Variants in LIG1 observed in about 807,000 individuals in gnomAD.
LIG1 encodes the protein DNA ligase 1.
LIG1 carries 70 observed loss-of-function variants against 115.7 expected under a neutral mutation model. That is an observed-to-expected ratio of 0.60 (90% CI 0.50 to 0.74). The LOEUF (loss-of-function observed/expected upper bound fraction) is 0.74. Ranked by LOEUF, LIG1 falls within the 30% of genes least tolerant of loss-of-function variation. LIG1 has a pLI of 0.00. For missense variants in LIG1, 1,115 were observed against 1,225.6 expected (o/e 0.91, Z 1.35); for synonymous variants, 487 against 495.3 (o/e 0.98, Z 0.22).
At chr19:48,148,861 C>A (rs756915902) in intron 9 of LIG1, among the ~76,000 whole-genome samples, 5 of 152,206 alleles carry the variant, frequency 3.3e-5, no homozygotes, top group Non-Finnish European at 5.9e-5. Context: ...GTCCCACAGC[C>A]CCAGCACACT....
intron 16 of LIG1, among the ~76,000 whole-genome samples, chr19:48,135,135 C>T (rs962773455): frequency 2.0e-5 from 3 of 152,220 alleles, no homozygotes; most frequent in Non-Finnish European, 4.4e-5. Context: ...GCTGCCCTCC[C>T]TTGCTGTCAG....
At chr19:48,116,307 G>A in intron 26 of LIG1, 2 of 297,466 alleles carry the variant, frequency 6.7e-6, no homozygotes, top group Admixed American at 8.5e-5. Flanking sequence ...TTAGCCAGGT[G>A]TGGTGGCGGG....
chr19:48,131,984 G>C (rs1172207811), intron 18 of LIG1, among the ~76,000 whole-genome samples: 1 of 147,486 alleles, frequency 6.8e-6, no homozygotes, highest in Non-Finnish European at 1.5e-5. Context: ...TATCGTGGAG[G>C]CTGTAGTGTA....
At chr19:48,132,374 C>T (rs887686644) in intron 18 of LIG1, among the ~76,000 whole-genome samples, 4 of 152,108 alleles carry the variant, frequency 2.6e-5, no homozygotes, top group Non-Finnish European at 5.9e-5. Flanking sequence ...CCTCCCAGAA[C>T]GGCTGTTAAA....
intron 24 of LIG1, chr19:48,120,515 A>T (rs1376584379): frequency 3.0e-6 from 3 of 985,224 alleles, no homozygotes; most frequent in African/African-American, 3.5e-5. Flanking sequence ...GGAATATAGG[A>T]AATACGTAAG....
Position 48,139,991 on chromosome 19 carries a change from T to C in LIG1, c.1067A>G (p.Lys356Arg). The change falls in exon 12 of 28, where the codon AAG (lysine) becomes AGG (arginine). Residue 356 changes from lysine to arginine, a missense_variant. By Grantham distance (26) the Lys-to-Arg change is conservative. Transcript: ENST00000263274. ...ELGVGDGVLL[K>R]AVAQATGRQL... Reference sequence around the variant, plus strand: ...CTTACCTGTGGCCTGGGCCACTGCCTTGAGAAGGACACCATCACCCACGCC... The same window carrying C: ...CTTACCTGTGGCCTGGGCCACTGCCCTGAGAAGGACACCATCACCCACGCC... The C allele has an allele frequency of 6.2e-7, 1 of 1,614,112 alleles. No individual in the cohort carries two copies. The highest frequency in any genetic ancestry group is 1.1e-5 in the South Asian group (1 of 91,086).
intron 4 of LIG1, 174 bp downstream of exon 4, chr19:48,161,192 GGTCCTA>G (rs2036155753): frequency 7.4e-6 from 6 of 810,678 alleles, no homozygotes; most frequent in Non-Finnish European, 1.0e-5. Flanking sequence ...GCCCACCCGA[GGTCCTA>G]GGGCAGGGGC....
Position 48,153,978 on chromosome 19 carries a change from A to G in LIG1, c.371-11T>C, listed in dbSNP as rs774785507. The G allele has an allele frequency of 7.4e-6, 12 of 1,612,664 alleles. No individual in the cohort carries two copies. In the Admixed American group the frequency reaches 8.3e-5, roughly 11 times the overall value. On this transcript the variant is annotated splice_polypyrimidine_tract_variant and intron_variant, in intron 5 of 27. Coordinates refer to ENST00000263274, the MANE Select transcript of LIG1 (RefSeq NM_000234.3). ...GGAGCTGCTTCCGAGCTGGGGAGGC[A>G]AAGGGCTTGGTGTATCTGACCTCGC...
chr19:48,123,892 C>A (rs2033480182), intron 21 of LIG1, among the ~76,000 whole-genome samples: 1 of 151,824 alleles, frequency 6.6e-6, no homozygotes, highest in African/African-American at 2.4e-5. Flanking sequence ...CTTAGAATTC[C>A]AAAAGTTTTC....
rs2033256163 is a variant in LIG1 at position 48,121,326 on chromosome 19, G to GGAGAAGGGGAGGCAAGAGAT, written c.2233-24_2233-5dup. Reference sequence around the variant, plus strand: ...CATCAAGGTAGTCCTTCTTCAGCTGGGAGAAGGGGAGGCAAGAGATGAGAA... The same window carrying GGAGAAGGGGAGGCAAGAGAT: ...CATCAAGGTAGTCCTTCTTCAGCTGGGAGAAGGGGAGGCAAGAGATGAGAAGGGGAGGCAAGAGATGAGAA... On this transcript the variant is annotated splice_region_variant and splice_polypyrimidine_tract_variant and intron_variant, in intron 23 of 27. Transcript: ENST00000263274. 2 of 1,594,498 alleles carry GGAGAAGGGGAGGCAAGAGAT rather than the reference G, an allele frequency of 1.3e-6. No homozygotes were observed. Among genetic ancestry groups the GGAGAAGGGGAGGCAAGAGAT allele is most frequent in the African/African-American group, 2.7e-5 (2 of 74,516 alleles).
At chr19:48,154,271 C>T (rs944678266) in intron 5 of LIG1, 5 of 378,678 alleles carry the variant, frequency 1.3e-5, no homozygotes, top group African/African-American at 8.4e-5. Context: ...CCAGCAGGTC[C>T]CCTGAGCTCC....
intron 6 of LIG1, among the ~76,000 whole-genome samples, chr19:48,152,779 T>C (rs1384165796): frequency 6.6e-6 from 1 of 152,172 alleles, no homozygotes; most frequent in Non-Finnish European, 1.5e-5. Context: ...GCTATAAAAA[T>C]CAAGTACTGT....
chr19:48,130,935 G>C, intron 19 of LIG1, 141 bp downstream of exon 19: 1 of 704,758 alleles, frequency 1.4e-6, no homozygotes, highest in Non-Finnish European at 2.6e-6. Flanking sequence ...AGGACTGAGT[G>C]CTCTGTCATT....
chr19:48,116,729 C>T (rs928331109), intron 26 of LIG1, among the ~76,000 whole-genome samples: 1 of 152,206 alleles, frequency 6.6e-6, no homozygotes, highest in Admixed American at 6.5e-5. Context: ...CTGATGACCA[C>T]ACAGTGCCCA....
chr19:48,161,463 G>A lies in LIG1; in HGVS notation c.152C>T (p.Ser51Phe). The A allele has an allele frequency of 1.2e-6, 2 of 1,614,152 alleles. No individual in the cohort carries two copies. Among genetic ancestry groups the A allele is most frequent in the Non-Finnish European group, 1.7e-6 (2 of 1,180,040 alleles). The part of the protein sequence containing the change: ...EWNGVVSESD[S>F]PVKRPGRKAA... ...CTTCCTCCCTGGCCTCTTCACCGGAGAGTCACTCTCGGACACCACTCCATT... is the reference window on the plus strand; with the variant it reads ...CTTCCTCCCTGGCCTCTTCACCGGAAAGTCACTCTCGGACACCACTCCATT... Residue 51 changes from serine (S) to phenylalanine (F), a missense_variant, in exon 4 of 28, where the codon TCT (serine) becomes TTT (phenylalanine). Transcript: ENST00000263274.
At chr19:48,121,058 C>T (rs917300328) in intron 24 of LIG1, 112 bp downstream of exon 24, 2 of 1,587,334 alleles carry the variant, frequency 1.3e-6, no homozygotes, top group African/African-American at 1.3e-5. Flanking sequence ...AGAACGGATC[C>T]TTCACAGGGG....
intron 10 of LIG1, 119 bp downstream of exon 10, chr19:48,143,764 T>G (rs913218248): frequency 2.5e-5 from 28 of 1,104,296 alleles, no homozygotes; most frequent in Non-Finnish European, 3.6e-5. Context: ...TGCTGCTGAT[T>G]GTCGCCAAAA....
rs1257388152 is a variant in LIG1, at chr19:48,121,287, G to A, written c.2268C>T (p.Thr756=). ...KKDYLDGVGD[T]LDLVVIGAYL... Reference sequence around the variant, plus strand: ...AGGCGCCGATCACCACCAGGTCCAGGGTGTCACCCACGCCATCAAGGTAGT... The same window carrying A: ...AGGCGCCGATCACCACCAGGTCCAGAGTGTCACCCACGCCATCAAGGTAGT... The change falls in exon 24 of 28, where the codon ACC becomes ACT. Residue 756 remains threonine (T), a synonymous_variant. Transcript: ENST00000263274. 1 of 1,611,284 alleles carries A rather than the reference G, an allele frequency of 6.2e-7. No individual in the cohort carries two copies. The highest frequency in any genetic ancestry group is 2.2e-5 in the East Asian group (1 of 44,776).
In LIG1 at chr19:48,122,804, TG is replaced by T; in HGVS notation, c.2232+129del. 1 of 854,572 alleles carries T rather than the reference TG, an allele frequency of 1.2e-6. No individual in the cohort carries two copies. The highest frequency in any genetic ancestry group is 1.7e-5 in the Admixed American group (1 of 58,392). 52.9% of individuals were successfully genotyped at this position (854,572 alleles called of 1,614,324 possible). A position where few individuals can be genotyped will look rare whatever the true frequency, so the allele number is the denominator to read the frequency against. Reference sequence around the variant, plus strand: ...TCTGAACTCAGTTGCAGCAGGGGGCTGGGGTGGGATTGTGAAAAGGGGCCCT... The same window carrying T: ...TCTGAACTCAGTTGCAGCAGGGGGCTGGGTGGGATTGTGAAAAGGGGCCCT... On this transcript the variant is annotated intron_variant, in intron 23 of 27. Transcript: ENST00000263274. This position sits in a 1 kb window ranked among gnomAD's most constrained non-coding sequence, Gnocchi z 4.3.
Sources: gnomAD v4.1 joint callset for allele counts (sites outside exome capture counted in the v4.1 genomes callset) on GRCh38, gnomAD v4.1.1 for gene constraint, Gnocchi (gnomAD v3.1) non-coding constraint, MANE v1.5 for transcripts, NCBI Gene and HGNC (gene_info 2026-07-23, HGNC 2026-07-21) for gene names.